The following UPF2 variants were observed in gnomAD, a reference collection of about 807,000 sequenced individuals.
UPF2 encodes regulator of nonsense transcripts 2.
Under a neutral mutation model 141.4 loss-of-function variants are expected in UPF2, and 17 were observed. The observed-to-expected ratio is 0.12, with a 90% confidence interval of 0.08 to 0.18. The LOEUF is 0.18. UPF2 is among the 10% of genes least tolerant of loss of function. The pLI is 1.00. For synonymous variants in UPF2, 540 were observed against 498.0 expected (o/e 1.08, Z -1.12); for missense variants, 1,152 against 1,515.9 (o/e 0.76, Z 3.99).
At chr10:11,934,628 C>A (rs546253409) in intron 19 of UPF2, among the ~76,000 whole-genome samples, 26 of 152,312 alleles carry the variant, frequency 1.7e-4, no homozygotes, top group Admixed American at 3.9e-4. Flanking sequence ...CTCGTTCTGT[C>A]GCCCAGGCTG....
At chr10:12,006,775 A>G (rs11594545) in intron 4 of UPF2, among the ~76,000 whole-genome samples, 10,780 of 152,298 alleles carry the variant, frequency 0.071, 402 homozygotes, top group Non-Finnish European at 0.08. Context: ...TAAAACCCTT[A>G]GAATTTCCTG....
At chr10:11,926,267 G>A (rs997731707) in intron 21 of UPF2, among the ~76,000 whole-genome samples, 1 of 152,214 alleles carries the variant, frequency 6.6e-6, no homozygotes, top group Non-Finnish European at 1.5e-5. Context: ...TCCCTGCACT[G>A]GAGACCCTGG....
chr10:11,985,884 C>CTTTTTTTTTTTTTTTTTTTTTT (rs746117868), intron 8 of UPF2, among the ~76,000 whole-genome samples: 1 of 100,752 alleles, frequency 9.9e-6, no homozygotes, highest in Non-Finnish European at 1.8e-5. Flanking sequence ...TAGATCCTTC[C>CTTTTTTTTTTTTTTTTTTTTTT]TTTTTTTTTT....
chr10:11,981,987 A>G (rs1369022720), intron 8 of UPF2, among the ~76,000 whole-genome samples: 5 of 152,036 alleles, frequency 3.3e-5, no homozygotes, highest in Admixed American at 6.6e-5. Flanking sequence ...CCCAGCCCCT[A>G]TAAGTTACGC....
intron 21 of UPF2, among the ~76,000 whole-genome samples, chr10:11,925,578 T>C (rs1275388368): frequency 6.6e-6 from 1 of 152,246 alleles, no homozygotes; most frequent in Non-Finnish European, 1.5e-5. Flanking sequence ...TCATCGCCTG[T>C]AATCTCATGG....
chr10:11,947,228 A>G (rs964714289), intron 16 of UPF2, among the ~76,000 whole-genome samples: 4 of 152,172 alleles, frequency 2.6e-5, no homozygotes, highest in African/African-American at 4.8e-5. Flanking sequence ...CAAAGAATTA[A>G]AACTGCTAGT....
rs770792878 is a variant in UPF2 at position 12,035,654 on chromosome 10, G to GT, written c.-18-214dup. On this transcript the variant is annotated intron_variant, in intron 1 of 21. Coordinates refer to ENST00000357604, the MANE Select transcript of UPF2 (RefSeq NM_015542.4). Reference sequence around the variant, plus strand: ...TAGTTAGGCCTATGTCTAAGTACTTGTTTTTTACTTTTTATAAGGAAAAAT... The same window carrying GT: ...TAGTTAGGCCTATGTCTAAGTACTTGTTTTTTTACTTTTTATAAGGAAAAAT... 91 of 478,490 alleles carry GT rather than the reference G, an allele frequency of 1.9e-4. No individual in the cohort carries two copies. In the Middle Eastern group the frequency reaches 3.9e-3, roughly 20 times the overall value. 29.6% of individuals were successfully genotyped at this position (478,490 alleles called of 1,614,324 possible).
At position 11,959,216 on chromosome 10, in the gene UPF2, G is replaced by A; in HGVS notation, c.2325C>T (p.Val775=). Residue 775 remains valine, a synonymous_variant, in exon 12 of 22, where the codon GTC becomes GTT. Transcript: ENST00000357604. This position sits in a 1 kb window ranked among gnomAD's most constrained non-coding sequence, Gnocchi z 5.9. ...KKKRPPLQEY[V]RKLLYKDLSK... ...AGAGATCCTTGTACAAAAGTTTCCG[G>A]ACATATTCCTGGAGAGGAGGACGTT... 6.2e-7 allele frequency: 1 copy of A among 1,611,344 alleles called. No homozygotes were observed. The highest frequency in any genetic ancestry group is 8.5e-7 in the Non-Finnish European group (1 of 1,179,214).
chr10:12,030,666 G>A (rs924740911), intron 2 of UPF2, among the ~76,000 whole-genome samples: 2 of 151,598 alleles, frequency 1.3e-5, no homozygotes, highest in Admixed American at 6.6e-5. Context: ...GGCAGATCAC[G>A]AGGTCAGGAG....
chr10:11,967,777 A>G (rs1249302704), intron 9 of UPF2, among the ~76,000 whole-genome samples: 2 of 152,080 alleles, frequency 1.3e-5, no homozygotes, highest in African/African-American at 4.8e-5. Flanking sequence ...CTGGTCCCCA[A>G]CTTCTGACCT....
intron 12 of UPF2, among the ~76,000 whole-genome samples, chr10:11,957,024 T>G (rs1206492170): frequency 6.6e-6 from 1 of 152,222 alleles, no homozygotes; most frequent in African/African-American, 2.4e-5. Flanking sequence ...TCTTCCTATG[T>G]TGCCCAGGCT....
chr10:12,020,275 G>A (rs573373078), intron 3 of UPF2, among the ~76,000 whole-genome samples: 19 of 148,506 alleles, frequency 1.3e-4, no homozygotes, highest in African/African-American at 2.0e-4. Flanking sequence ...TTTTTGAGAC[G>A]GAGTTTCGCT....
intron 21 of UPF2, among the ~76,000 whole-genome samples, chr10:11,926,496 C>T (rs1335511064): frequency 6.6e-6 from 1 of 152,154 alleles, no homozygotes; most frequent in African/African-American, 2.4e-5. Context: ...AGAAAGGAGG[C>T]AGTGTCAGCA....
At position 12,035,080 on chromosome 10, in the gene UPF2, T is replaced by C; in HGVS notation, c.344A>G (p.Glu115Gly). Residue 115 changes from glutamate (E) to glycine (G), a missense_variant, in exon 2 of 22, where the codon GAA becomes GGA. Glu to Gly is a moderately conservative substitution (Grantham distance 98). Around this residue, in one of 4 missense-constraint regions of UPF2, gnomAD observed 145 missense variants for 136.5 expected, o/e 1.06. Coordinates refer to ENST00000357604, the MANE Select transcript of UPF2 (RefSeq NM_015542.4). ...TTACTTCATCTGAGCAGCTGCTTCT[T>C]CTTCTTGCTGACGTTTGGCCTGCTC... ...QEEQAKRQQE[E>G]EAAAQMKEKE... 6.4e-7 allele frequency: 1 copy of C among 1,571,416 alleles called. No homozygotes were observed. Among genetic ancestry groups the C allele is most frequent in the African/African-American group, 1.4e-5 (1 of 72,426 alleles).
chr10:12,018,894 T>C (rs1411377784), intron 3 of UPF2, among the ~76,000 whole-genome samples: 1 of 152,240 alleles, frequency 6.6e-6, no homozygotes, highest in Non-Finnish European at 1.5e-5. Flanking sequence ...TTCAGTTTAA[T>C]TGTTTTTGAA....
At position 11,990,660 on chromosome 10, in the gene UPF2, A is replaced by AC. The variant is rs567958579; in HGVS notation, c.1844+7011_1844+7012insG. Among the ~76,000 whole-genome samples, 222 of 128,714 alleles carry AC rather than the reference A, an allele frequency of 1.7e-3. 1 individual carries two copies. Among genetic ancestry groups the AC allele is most frequent in the African/African-American group, 5.8e-3 (205 of 35,376 alleles). The allele number at this position is 128,714 out of a possible 152,430, so 84.4% of individuals were successfully genotyped here. ...ATGCCACTGCACTCCAGCCTGGGTG[A>AC]AGAGCAAGACTCTGTCTCAAAAAAA... On this transcript the variant is annotated intron_variant, in intron 8 of 21. Transcript: ENST00000357604.
chr10:11,942,845 C>T (rs1182613352), intron 17 of UPF2, 82 bp from the exon 18 acceptor site: 26 of 1,266,972 alleles, frequency 2.1e-5, no homozygotes, highest in African/African-American at 5.9e-5. Flanking sequence ...GTATTGACAA[C>T]TTGTTTAACA....
rs201112572 is a variant in UPF2, at chr10:11,945,806, T to TCA, written c.3174+2561_3174+2562dup. On this transcript the variant is annotated intron_variant, in intron 16 of 21. Coordinates refer to ENST00000357604, the MANE Select transcript of UPF2 (RefSeq NM_015542.4). ...CAATGCTGGATTTATTAGATACTGCTCATGTAATTAGTACAGTAGCCAAAT... is the reference window on the plus strand; with the variant it reads ...CAATGCTGGATTTATTAGATACTGCTCACATGTAATTAGTACAGTAGCCAAAT... Among the ~76,000 whole-genome samples the TCA allele has an allele frequency of 4.2e-3, 633 of 152,314 alleles. 5 individuals are homozygous for TCA. The highest frequency in any genetic ancestry group is 0.014 in the African/African-American group (596 of 41,580).
In UPF2 at chr10:11,958,178, C is replaced by T. The variant is rs574880332; in HGVS notation, c.2370+993G>A. Among the ~76,000 whole-genome samples, 6 of 152,204 alleles carry T rather than the reference C, an allele frequency of 3.9e-5. No homozygotes were observed. The South Asian group carries it at 1.0e-3, about 26-fold the overall frequency. Reference sequence around the variant, plus strand: ...GACCAGCCTGTGGAACATAGCAAGACCCCATCTCTATTACATTAAATTTTT... The same window carrying T: ...GACCAGCCTGTGGAACATAGCAAGATCCCATCTCTATTACATTAAATTTTT... On this transcript the variant is annotated intron_variant, in intron 12 of 21. Coordinates refer to ENST00000357604, the MANE Select transcript of UPF2 (RefSeq NM_015542.4).
Sources: allele counts gnomAD v4.1 joint callset (sites outside exome capture counted in the v4.1 genomes callset), GRCh38; gene constraint gnomAD v4.1.1; regional missense constraint gnomAD v4.1.1; non-coding constraint Gnocchi (gnomAD v3.1); transcripts MANE v1.5; gene names NCBI Gene and HGNC (gene_info 2026-07-23, HGNC 2026-07-21).